Variants in CAMK1D observed in about 807,000 individuals in gnomAD.
CAMK1D encodes the protein calcium/calmodulin dependent protein kinase ID.
CAMK1D carries 9 observed loss-of-function variants against 47.7 expected under a neutral mutation model. The observed-to-expected ratio is 0.19, with a 90% CI of 0.11 to 0.33. CAMK1D has a LOEUF of 0.33. Among genes scored for constraint, CAMK1D ranks in the 10% least tolerant of loss-of-function variants. CAMK1D has a pLI of 1.00. For missense variants in CAMK1D, 291 were observed against 488.7 expected, an observed-to-expected ratio of 0.60 and a Z score of 3.81; for synonymous variants, 184 against 184.9, an observed-to-expected ratio of 0.99 and a Z score of 0.04.
chr10:12,413,327 A>G (rs990950334), intron 1 of CAMK1D, among the ~76,000 whole-genome samples: 1 of 152,122 alleles, frequency 6.6e-6, no homozygotes, highest in Non-Finnish European at 1.5e-5. Flanking sequence ...GCTGTGAGGG[A>G]TCCGCTCCCA....
chr10:12,706,850 A>C (rs957111037), intron 3 of CAMK1D, among the ~76,000 whole-genome samples: 6 of 152,212 alleles, frequency 3.9e-5, no homozygotes, highest in African/African-American at 1.4e-4. Context: ...GTGCTCTTGG[A>C]ACACAGAAGT....
chr10:12,728,017 C>T (rs1834733956), intron 3 of CAMK1D, among the ~76,000 whole-genome samples: 1 of 152,142 alleles, frequency 6.6e-6, no homozygotes, highest in South Asian at 2.1e-4. Context: ...CCGCCCGCCT[C>T]GGCCTCCTAA....
In CAMK1D at chr10:12,549,146, G is replaced by A. The variant is rs116891371; in HGVS notation, c.93-4079G>A. Among the ~76,000 whole-genome samples, 1,114 of 152,242 alleles carry A rather than the reference G, an allele frequency of 7.3e-3. 31 individuals carry two copies. In the East Asian group the frequency reaches 0.078, roughly 11 times the overall value. ...GCTGGGATTACAGGCATGAGCCACC[G>A]TGCCTGGCTTCCAGATCCTTTTCAT... On this transcript the variant is annotated intron_variant, in intron 1 of 10. Coordinates refer to ENST00000619168, the MANE Select transcript of CAMK1D (RefSeq NM_153498.4).
At chr10:12,647,271 C>T (rs551461341) in intron 2 of CAMK1D, among the ~76,000 whole-genome samples, 114 of 150,626 alleles carry the variant, frequency 7.6e-4, no homozygotes, top group Non-Finnish European at 1.2e-3. Flanking sequence ...GACTCAGCCT[C>T]CCGAGTAGCT....
chr10:12,516,898 C>T (rs906003911), intron 1 of CAMK1D, among the ~76,000 whole-genome samples: 21 of 152,142 alleles, frequency 1.4e-4, no homozygotes, highest in Admixed American at 1.2e-3. Context: ...AATGTTAAGA[C>T]TATCTTGTCA....
intron 2 of CAMK1D, among the ~76,000 whole-genome samples, chr10:12,623,877 A>C (rs1839124259): frequency 6.6e-6 from 1 of 152,106 alleles, no homozygotes; most frequent in South Asian, 2.1e-4. Context: ...TCAGCAGTTC[A>C]AGACCAGCCT....
At chr10:12,609,717 C>G (rs1440253815) in intron 2 of CAMK1D, among the ~76,000 whole-genome samples, 1 of 152,190 alleles carries the variant, frequency 6.6e-6, no homozygotes, top group Non-Finnish European at 1.5e-5. Flanking sequence ...TGCTCACTTG[C>G]TGCCCCCCTC....
intron 1 of CAMK1D, among the ~76,000 whole-genome samples, chr10:12,530,443 A>T (rs954893229): frequency 1.3e-5 from 2 of 152,192 alleles, no homozygotes; most frequent in Non-Finnish European, 2.9e-5. Context: ...TGATCTCTGC[A>T]TCATCCAGGT....
At chr10:12,721,884 T>G (rs1834392343) in intron 3 of CAMK1D, among the ~76,000 whole-genome samples, 1 of 152,300 alleles carries the variant, frequency 6.6e-6, no homozygotes, top group South Asian at 2.1e-4. Context: ...TAACAGAGGT[T>G]TTAGACAGTA....
chr10:12,585,228 G>A (rs529729846), intron 2 of CAMK1D, among the ~76,000 whole-genome samples: 79 of 152,346 alleles, frequency 5.2e-4, no homozygotes, highest in Non-Finnish European at 9.0e-4. Context: ...ACCACCCAGA[G>A]GGCTTGTGAA....
At chr10:12,425,915 T>C (rs994352717) in intron 1 of CAMK1D, among the ~76,000 whole-genome samples, 1 of 152,236 alleles carries the variant, frequency 6.6e-6, no homozygotes, top group African/African-American at 2.4e-5. Flanking sequence ...TTGCATGCAC[T>C]GGTGGAAGAA....
In CAMK1D at chr10:12,825,694, C is replaced by G. The variant is rs373315791; in HGVS notation, c.1039+4C>G. ...AGTTTGGCCAGCCAAAAAGACTGTG[C>G]GTATGTAGCAAAACCAGAATCCCTC... On this transcript the variant is annotated splice_donor_region_variant and intron_variant, in intron 10 of 10. Coordinates refer to ENST00000619168, the MANE Select transcript of CAMK1D (RefSeq NM_153498.4). The G allele has an allele frequency of 6.2e-7, 1 of 1,614,236 alleles. No homozygotes were observed. Among genetic ancestry groups the G allele is most frequent in the East Asian group, 2.2e-5 (1 of 44,894 alleles).
intron 2 of CAMK1D, among the ~76,000 whole-genome samples, chr10:12,656,627 A>C (rs2132525042): frequency 6.6e-6 from 1 of 152,384 alleles, no homozygotes; most frequent in Non-Finnish European, 1.5e-5. Flanking sequence ...AATCTTTAAA[A>C]AACAACAACA....
At chr10:12,814,617 CA>C (rs1361448969) in intron 7 of CAMK1D, among the ~76,000 whole-genome samples, 1 of 152,160 alleles carries the variant, frequency 6.6e-6, no homozygotes, top group East Asian at 1.9e-4. Flanking sequence ...CCTCACATGG[CA>C]AAAGGGTCAA....
intron 2 of CAMK1D, among the ~76,000 whole-genome samples, chr10:12,644,913 C>A (rs1031297086): frequency 1.3e-5 from 2 of 151,964 alleles, no homozygotes; most frequent in Non-Finnish European, 2.9e-5. Flanking sequence ...CTAGAAATTT[C>A]ATGTTAGGAA....
At chr10:12,787,441 T>A (rs756257933) in intron 5 of CAMK1D, among the ~76,000 whole-genome samples, 1 of 152,150 alleles carries the variant, frequency 6.6e-6, no homozygotes, top group Non-Finnish European at 1.5e-5. Flanking sequence ...CCTCCCACCA[T>A]CCACGATGCT....
intron 1 of CAMK1D, among the ~76,000 whole-genome samples, chr10:12,430,712 G>A (rs970164007): frequency 9.9e-5 from 15 of 152,102 alleles, no homozygotes; most frequent in African/African-American, 2.9e-4. Context: ...GGCTTTTCAG[G>A]CTTGGAGCTT....
intron 2 of CAMK1D, among the ~76,000 whole-genome samples, chr10:12,664,473 A>T (rs1332786112): frequency 6.6e-6 from 1 of 151,622 alleles, no homozygotes; most frequent in Non-Finnish European, 1.5e-5. Context: ...AAAGGAGGGG[A>T]ATGTAGTCCT....
At chr10:12,355,178 A>G (rs748956956) in intron 1 of CAMK1D, among the ~76,000 whole-genome samples, 3 of 152,124 alleles carry the variant, frequency 2.0e-5, no homozygotes, top group Non-Finnish European at 2.9e-5. Context: ...CTAGTAGCAC[A>G]ATAAGAGCTC....
Sources: gnomAD v4.1 joint callset for allele counts (sites outside exome capture counted in the v4.1 genomes callset) on GRCh38, gnomAD v4.1.1 for gene constraint, MANE v1.5 for transcripts, NCBI Gene and HGNC (gene_info 2026-07-23, HGNC 2026-07-21) for gene names.